The following SOS1 variants were observed in gnomAD, a reference collection of about 807,000 sequenced individuals.
The protein encoded by SOS1 is son of sevenless homolog 1.
A neutral mutation model predicts 157.6 loss-of-function variants in SOS1; 25 were observed. The ratio of observed to expected loss-of-function variants is 0.16; its 90% CI spans 0.12 to 0.22. The LOEUF (loss-of-function observed/expected upper bound fraction) is 0.22, where lower values mean the gene tolerates loss of function less well. SOS1 is among the 10% of genes least tolerant of loss of function. SOS1 has a pLI of 1.00. For missense variants in SOS1, 1,237 were observed against 1,599.1 expected (o/e 0.77, Z 3.86); for synonymous variants, 528 against 534.0 (o/e 0.99, Z 0.16).
At chr2:39,007,919 C>G (rs186263429) in intron 15 of SOS1, among the ~76,000 whole-genome samples, 7 of 152,224 alleles carry the variant, frequency 4.6e-5, no homozygotes, top group Non-Finnish European at 8.8e-5. Flanking sequence ...GGAAAATCTA[C>G]AAAAATTTGG....
chr2:39,109,536 A>C (rs1172263994), intron 1 of SOS1, among the ~76,000 whole-genome samples: 1 of 152,198 alleles, frequency 6.6e-6, no homozygotes, highest in African/African-American at 2.4e-5. Flanking sequence ...TAAAAAGCTA[A>C]GGTTCAGGAC....
At chr2:39,112,896 G>A (rs968223561) in intron 1 of SOS1, among the ~76,000 whole-genome samples, 4 of 152,054 alleles carry the variant, frequency 2.6e-5, no homozygotes, top group Non-Finnish European at 4.4e-5. Flanking sequence ...AAGATTAGCT[G>A]CGTGTGATGG....
At chr2:39,103,700 CAT>C (rs1673059304) in intron 1 of SOS1, among the ~76,000 whole-genome samples, 1 of 152,068 alleles carries the variant, frequency 6.6e-6, no homozygotes, top group Admixed American at 6.5e-5. Context: ...TAGAAGAAAA[CAT>C]AGGGGCAAAT....
At chr2:39,105,064 A>G (rs187353995) in intron 1 of SOS1, among the ~76,000 whole-genome samples, 2 of 152,334 alleles carry the variant, frequency 1.3e-5, no homozygotes, top group African/African-American at 4.8e-5. Context: ...TAAATGTTCT[A>G]TAGAAATCAG....
At chr2:39,013,039 C>T (rs1669519106) in intron 13 of SOS1, among the ~76,000 whole-genome samples, 1 of 151,930 alleles carries the variant, frequency 6.6e-6, no homozygotes, top group South Asian at 2.1e-4. Context: ...GTGATTTTGC[C>T]CAAAGTCACG....
intron 1 of SOS1, among the ~76,000 whole-genome samples, chr2:39,088,954 C>T (rs1672479524): frequency 6.6e-6 from 1 of 152,178 alleles, no homozygotes; most frequent in African/African-American, 2.4e-5. Flanking sequence ...AATTTCTTTA[C>T]ATCCATATGG....
At chr2:39,079,983 G>C (rs1672144629) in intron 1 of SOS1, among the ~76,000 whole-genome samples, 1 of 152,012 alleles carries the variant, frequency 6.6e-6, no homozygotes. Context: ...TTGGCACCAG[G>C]ACCAGTTCTA....
At position 39,003,972 on chromosome 2, in the gene SOS1, C is replaced by A. The variant is rs115103083; in HGVS notation, c.2791+2440G>T. 3.6e-3 allele frequency among the ~76,000 whole-genome samples: 543 copies of A among 152,062 alleles called. 5 individuals are homozygous for A. Among genetic ancestry groups the A allele is most frequent in the African/African-American group, 0.012 (515 of 41,458 alleles). On this transcript the variant is annotated intron_variant, in intron 17 of 22. Transcript: ENST00000402219. ...GCCTGTAGCACCATCCCAATTAGGA[C>A]AATTAAAAAAAAATTGTCTCCAGGC...
chr2:39,020,119 TAACTC>T (rs1481381263), intron 10 of SOS1, among the ~76,000 whole-genome samples: 2 of 151,580 alleles, frequency 1.3e-5, no homozygotes, highest in African/African-American at 4.8e-5. Flanking sequence ...GTTCTGGAAT[TAACTC>T]GTAATAGAAC....
chr2:39,068,327 AAG>A (rs1463656083), intron 1 of SOS1, among the ~76,000 whole-genome samples: 1 of 152,206 alleles, frequency 6.6e-6, no homozygotes, highest in East Asian at 1.9e-4. Context: ...TGGGGAAAGG[AAG>A]AGAGAGGCTG....
At chr2:38,990,496 G>A (rs1365222315) in intron 20 of SOS1, among the ~76,000 whole-genome samples, 3 of 152,124 alleles carry the variant, frequency 2.0e-5, no homozygotes, top group East Asian at 3.8e-4. Flanking sequence ...TTGCCTGGTT[G>A]TAAAAGGGAG....
At chr2:39,084,610 TATAAA>T (rs1409002012) in intron 1 of SOS1, among the ~76,000 whole-genome samples, 2 of 152,180 alleles carry the variant, frequency 1.3e-5, no homozygotes, top group Non-Finnish European at 2.9e-5. Context: ...TCTATGTGTA[TATAAA>T]ATAAAATATA....
chr2:38,991,746 A>T (rs10183915), intron 20 of SOS1, among the ~76,000 whole-genome samples: 145,339 of 152,292 alleles, frequency 0.95, 69,464 homozygotes, highest in African/African-American at 0.99. Context: ...CTTTACCACT[A>T]TTTTTAGCGT....
At chr2:39,028,127 A>C (rs2124547816) in intron 8 of SOS1, among the ~76,000 whole-genome samples, 2 of 152,354 alleles carry the variant, frequency 1.3e-5, no homozygotes. Context: ...ATTTTAAAGC[A>C]GAATGAAAAC....
At chr2:39,079,927 G>A (rs551579546) in intron 1 of SOS1, among the ~76,000 whole-genome samples, 1 of 152,212 alleles carries the variant, frequency 6.6e-6, no homozygotes, top group Admixed American at 6.5e-5. Flanking sequence ...AGACTAGGAG[G>A]AGGTGGGTGG....
intron 6 of SOS1, among the ~76,000 whole-genome samples, chr2:39,045,985 T>A (rs1485375593): frequency 5.3e-5 from 8 of 152,214 alleles, no homozygotes; most frequent in Non-Finnish European, 1.0e-4. Flanking sequence ...GTGCTGGAAT[T>A]ACAGGCATGA....
intron 5 of SOS1, among the ~76,000 whole-genome samples, chr2:39,051,808 T>C (rs1322945470): frequency 6.6e-6 from 1 of 152,208 alleles, no homozygotes; most frequent in African/African-American, 2.4e-5. Context: ...TTCATATCTA[T>C]TTCTGCATAC....
chr2:39,033,331 G>A (rs1371694831), intron 8 of SOS1, among the ~76,000 whole-genome samples: 2 of 152,036 alleles, frequency 1.3e-5, no homozygotes, highest in African/African-American at 4.8e-5. Flanking sequence ...ACGAACAAGG[G>A]ATACACATGC....
Position 39,022,909 on chromosome 2 carries a change from T to G in SOS1, c.1519A>C (p.Thr507Pro), listed in dbSNP as rs1408893602. ...TCAAAAGCATGCTTGTATTCATTGG[T>G]GTCATCTTTATCATTAATTTGTACC... ...RKVQINDKDD[T>P]NEYKHAFEII... Residue 507 changes from threonine (T) to proline (P), a missense_variant, in exon 10 of 23, where the codon ACC becomes CCC. Around this residue, in one of 15 missense-constraint regions of SOS1, gnomAD observed 210 missense variants for 220.2 expected, o/e 0.95. Transcript: ENST00000402219. 1.2e-6 allele frequency: 2 copies of G among 1,612,106 alleles called. No homozygotes were observed. Among genetic ancestry groups the G allele is most frequent in the South Asian group, 2.2e-5 (2 of 91,040 alleles).
Sources: gnomAD v4.1 joint callset for allele counts (sites outside exome capture counted in the v4.1 genomes callset) on GRCh38, gnomAD v4.1.1 for gene constraint, gnomAD v4.1.1 regional missense constraint, MANE v1.5 for transcripts, NCBI Gene and HGNC (gene_info 2026-07-23, HGNC 2026-07-21) for gene names.